Variants in TTC7A observed in about 807,000 individuals in gnomAD.
TTC7A encodes tetratricopeptide repeat domain 7A.
A neutral mutation model predicts 103.7 loss-of-function variants in TTC7A; 110 were observed. That is an observed-to-expected ratio of 1.06 (90% CI 0.91 to 1.24). TTC7A has a LOEUF of 1.24. Among genes scored for constraint, TTC7A ranks in the 50% most tolerant of loss-of-function variants. TTC7A has a pLI of 0.00. For missense variants in TTC7A, 1,340 were observed against 1,116.3 expected (o/e 1.20, Z -2.86); for synonymous variants, 521 against 467.9 (o/e 1.11, Z -1.47).
At chr2:46,974,806 C>T (rs1673697713) in intron 3 of TTC7A, 167 bp from the exon 4 acceptor site, 1 of 900,874 alleles carries the variant, frequency 1.1e-6, no homozygotes. Flanking sequence ...CCACTGCTAA[C>T]ACCACCGTCG....
intron 19 of TTC7A, among the ~76,000 whole-genome samples, chr2:47,071,949 T>G (rs1422446701): frequency 6.6e-6 from 1 of 152,242 alleles, no homozygotes; most frequent in Non-Finnish European, 1.5e-5. Context: ...CTTTCCCTTC[T>G]GTCCTGTGTG....
intron 5 of TTC7A, among the ~76,000 whole-genome samples, chr2:46,984,414 T>A (rs1674792226): frequency 6.6e-6 from 1 of 152,212 alleles, no homozygotes; most frequent in Admixed American, 6.5e-5. Context: ...GCCCCTCTAG[T>A]TGGCTTTCTC....
chr2:46,933,959 G>A (rs1342505072), intron 2 of TTC7A, among the ~76,000 whole-genome samples: 1 of 152,156 alleles, frequency 6.6e-6, no homozygotes, highest in Non-Finnish European at 1.5e-5. Context: ...CATCTCATTA[G>A]GCTTGGTGCT....
At chr2:46,916,288 T>C (rs1028820577) in exon 1 of TTC7A, 5 of 586,842 alleles carry the variant, frequency 8.5e-6, no homozygotes, top group Non-Finnish European at 1.1e-5. Context: ...GGACCCTACG[T>C]TTCAAGATTG....
Position 46,989,408 on chromosome 2 carries a change from G to C in TTC7A, c.765-4042G>C, listed in dbSNP as rs150788536. ...CTGGCAGGGCAGCCAGCAATGGCTC[G>C]GAAAAGCCCCAGCTCCACCTGGCAC... On this transcript the variant is annotated intron_variant, in intron 5 of 19. Coordinates refer to ENST00000319190, the MANE Select transcript of TTC7A (RefSeq NM_020458.4). 2.4e-3 allele frequency among the ~76,000 whole-genome samples: 366 copies of C among 152,344 alleles called. 3 individuals are homozygous for C. The highest frequency in any genetic ancestry group is 8.5e-3 in the African/African-American group (355 of 41,578).
chr2:46,981,523 A>G lies in TTC7A; in HGVS notation c.764+2616A>G, dbSNP rs147116370. ...GGGATGAGGCTGAGGATTGTAGGAC[A>G]GTAGGAATCTGCAGGAGAGGGTCCA... is the stretch of plus-strand genomic sequence containing the variant. On this transcript the variant is annotated intron_variant, in intron 5 of 19. Coordinates refer to ENST00000319190, the MANE Select transcript of TTC7A (RefSeq NM_020458.4). Among the ~76,000 whole-genome samples, 15 of 152,324 alleles carry G rather than the reference A, an allele frequency of 9.8e-5. No homozygotes were observed. The East Asian group carries it at 2.9e-3, about 29-fold the overall frequency.
chr2:47,074,956 T>C lies in TTC7A; in HGVS notation c.*1033T>C, dbSNP rs1046267. On this transcript the variant is annotated 3_prime_UTR_variant, in exon 20 of 20. Coordinates refer to ENST00000319190, the MANE Select transcript of TTC7A (RefSeq NM_020458.4). ...CTGCATGATGCTCTTGGAACTCTTC[T>C]CCAAGGAGTCAGTCCCCCAGGCCTA... The C allele has an allele frequency of 0.76, 116,113 of 152,148 alleles. 44,580 individuals carry two copies. The highest frequency in any genetic ancestry group is 0.95 in the East Asian group (4,908 of 5,178). The allele number at this position is 152,148 out of a possible 1,614,324, so 9.4% of individuals were successfully genotyped here. A position where few individuals can be genotyped will look rare whatever the true frequency, so the allele number is the denominator to read the frequency against.
At chr2:47,018,322 C>T (rs1678900026) in intron 11 of TTC7A, among the ~76,000 whole-genome samples, 1 of 151,046 alleles carries the variant, frequency 6.6e-6, no homozygotes, top group Admixed American at 6.6e-5. Context: ...GTGGCTCACA[C>T]CTGTAATCCC....
intron 15 of TTC7A, among the ~76,000 whole-genome samples, chr2:47,037,941 A>G (rs1188434170): frequency 2.6e-5 from 4 of 152,142 alleles, no homozygotes; most frequent in Non-Finnish European, 4.4e-5. Flanking sequence ...TGTCATTCTC[A>G]TTTTACAGAT....
chr2:46,995,315 T>C, intron 8 of TTC7A, 116 bp downstream of exon 8: 1 of 996,140 alleles, frequency 1.0e-6, no homozygotes, highest in Non-Finnish European at 1.5e-6. Flanking sequence ...CCAGGGATAC[T>C]CCTAAAGTAG....
intron 5 of TTC7A, among the ~76,000 whole-genome samples, chr2:46,981,741 C>T (rs1402209853): frequency 6.6e-6 from 1 of 152,242 alleles, no homozygotes. Flanking sequence ...GACCAAAGCA[C>T]ACCGTTCTGG....
At chr2:46,952,866 T>G (rs1332417465) in intron 2 of TTC7A, among the ~76,000 whole-genome samples, 1 of 152,222 alleles carries the variant, frequency 6.6e-6, no homozygotes, top group African/African-American at 2.4e-5. Context: ...CTTTGTGCAT[T>G]TACAAACATA....
At chr2:46,960,603 C>T (rs1037878388) in intron 3 of TTC7A, among the ~76,000 whole-genome samples, 3 of 152,224 alleles carry the variant, frequency 2.0e-5, no homozygotes, top group African/African-American at 7.2e-5. Context: ...GTGATGTACA[C>T]GCACATTACC....
chr2:46,984,882 C>A (rs1248618958), intron 5 of TTC7A, among the ~76,000 whole-genome samples: 1 of 152,188 alleles, frequency 6.6e-6, no homozygotes, highest in Non-Finnish European at 1.5e-5. Context: ...ACAGCCTGGG[C>A]AGCCCGTGGG....
chr2:47,011,573 G>GTA, intron 11 of TTC7A, 138 bp downstream of exon 11: 2 of 666,680 alleles, frequency 3.0e-6, no homozygotes, highest in Non-Finnish European at 5.0e-6. Flanking sequence ...GATGGGCCTG[G>GTA]GCAGGGAGAA....
chr2:47,031,755 G>A (rs1680567520), intron 15 of TTC7A, among the ~76,000 whole-genome samples: 1 of 152,244 alleles, frequency 6.6e-6, no homozygotes, highest in Non-Finnish European at 1.5e-5. Flanking sequence ...ATCTCTTGCT[G>A]ACTTCTGAGC....
At position 46,958,429 on chromosome 2, in the gene TTC7A, G is replaced by A. The variant is rs1428134876; in HGVS notation, c.517+1422G>A. 66 of 1,247,112 alleles carry A rather than the reference G, an allele frequency of 5.3e-5. 1 individual carries two copies. The Admixed American group carries it at 1.2e-3, about 23-fold the overall frequency. The allele number at this position is 1,247,112 out of a possible 1,614,324, so 77.3% of individuals were successfully genotyped here. A position where few individuals can be genotyped will look rare whatever the true frequency, so the allele number is the denominator to read the frequency against. On this transcript the variant is annotated intron_variant, in intron 3 of 19. Transcript: ENST00000319190. ...ACCCCCTTCCTCGGGCTTCCTTTCC[G>A]GGACTTTCTCCTGAGCCTGGCTCAG...
chr2:47,049,825 C>A, intron 16 of TTC7A, 124 bp from the exon 17 acceptor site: 1 of 704,394 alleles, frequency 1.4e-6, no homozygotes, highest in South Asian at 1.7e-5. Context: ...AGCCCCAGAG[C>A]CTGCCTGGAG....
At chr2:46,940,989 C>T (rs1287333129), upstream of TTC7A, among the ~76,000 whole-genome samples, 2 of 151,602 alleles carry the variant, frequency 1.3e-5, no homozygotes, top group African/African-American at 4.9e-5. The surrounding 1 kb of genome is among the most constrained non-coding windows in gnomAD (Gnocchi z 4.7). Flanking sequence ...AGCGAGGCGC[C>T]CCCGGGCGCC....
Sources: allele counts gnomAD v4.1 joint callset (sites outside exome capture counted in the v4.1 genomes callset), GRCh38; gene constraint gnomAD v4.1.1; non-coding constraint Gnocchi (gnomAD v3.1); transcripts MANE v1.5; gene names NCBI Gene and HGNC (gene_info 2026-07-23, HGNC 2026-07-21).